EDIL3: variants seen among roughly 807,000 people sequenced by gnomAD.
EDIL3 encodes EGF-like repeat and discoidin I-like domain-containing protein 3.
In EDIL3, 37 loss-of-function variants were observed where a neutral mutation model predicts 67.4. The observed-to-expected ratio is 0.55, with a 90% CI of 0.42 to 0.72. EDIL3 has a LOEUF of 0.72. Among genes scored for constraint, EDIL3 ranks in the 30% least tolerant of loss-of-function variants. The pLI, the probability that EDIL3 is intolerant of heterozygous loss-of-function variation, is 0.00. For synonymous variants in EDIL3, 195 were observed against 196.3 expected (o/e 0.99, Z 0.05); for missense variants, 527 against 586.3 (o/e 0.90, Z 1.04).
intron 6 of EDIL3, among the ~76,000 whole-genome samples, chr5:84,067,560 C>T (rs1169167461): frequency 6.6e-6 from 1 of 152,070 alleles, no homozygotes; most frequent in African/African-American, 2.4e-5. Context: ...ATATGTCATA[C>T]CATAATATTA....
At chr5:84,262,659 G>GTTTTTATTTTTT (rs1745251015) in intron 1 of EDIL3, among the ~76,000 whole-genome samples, 1 of 46,310 alleles carries the variant, frequency 2.2e-5, no homozygotes, top group African/African-American at 8.7e-5. Context: ...AGGTTGGTTG[G>GTTTTTATTTTTT]TTTTTTTTTT....
intron 9 of EDIL3, among the ~76,000 whole-genome samples, chr5:84,000,334 C>T (rs980387177): frequency 6.6e-6 from 1 of 151,930 alleles, no homozygotes; most frequent in Non-Finnish European, 1.5e-5. Context: ...AAAAATAATA[C>T]CTATGACCAC....
At chr5:84,109,927 C>T (rs1747530046) in intron 5 of EDIL3, among the ~76,000 whole-genome samples, 1 of 152,070 alleles carries the variant, frequency 6.6e-6, no homozygotes, top group African/African-American at 2.4e-5. Flanking sequence ...GTGAAGAAGA[C>T]AAGATAATGA....
chr5:83,997,474 G>A lies in EDIL3; in HGVS notation c.1138-34114C>T, dbSNP rs80282089. ...AATTCAGGATACCTCCAGATTTCTG[G>A]TTTAGGCATGAAAGTAGTTGGTGTG... On this transcript the variant is annotated intron_variant, in intron 9 of 10. Coordinates refer to ENST00000296591, the MANE Select transcript of EDIL3 (RefSeq NM_005711.5). Among the ~76,000 whole-genome samples, 1,068 of 152,294 alleles carry A rather than the reference G, an allele frequency of 7.0e-3. 8 individuals carry two copies. The highest frequency in any genetic ancestry group is 0.025 in the African/African-American group (1,028 of 41,552).
intron 1 of EDIL3, among the ~76,000 whole-genome samples, chr5:84,374,503 G>C (rs1409232379): frequency 6.6e-6 from 1 of 152,064 alleles, no homozygotes; most frequent in African/African-American, 2.4e-5. Flanking sequence ...TTATTTTGGG[G>C]GAATAAATAT....
chr5:84,361,742 T>C (rs966165090), intron 1 of EDIL3, among the ~76,000 whole-genome samples: 1 of 151,914 alleles, frequency 6.6e-6, no homozygotes, highest in Non-Finnish European at 1.5e-5. Flanking sequence ...GTATACCGTA[T>C]AAACAAAGTA....
At chr5:84,364,714 T>C (rs1170726662) in intron 1 of EDIL3, among the ~76,000 whole-genome samples, 2 of 152,010 alleles carry the variant, frequency 1.3e-5, no homozygotes, top group Non-Finnish European at 2.9e-5. Flanking sequence ...ATATTATATA[T>C]ACATGATAAA....
At chr5:84,026,751 C>G (rs758545819) in intron 9 of EDIL3, among the ~76,000 whole-genome samples, 4 of 152,052 alleles carry the variant, frequency 2.6e-5, no homozygotes, top group Admixed American at 1.3e-4. Flanking sequence ...TATTTTGATA[C>G]ATCATCTACT....
intron 1 of EDIL3, among the ~76,000 whole-genome samples, chr5:84,259,073 T>C (rs1745175016): frequency 6.7e-6 from 1 of 149,248 alleles, no homozygotes; most frequent in Admixed American, 6.8e-5. Context: ...TATTCTCCTG[T>C]CTCAGCCTCC....
chr5:83,948,669 T>C (rs1398183944), intron 10 of EDIL3, among the ~76,000 whole-genome samples: 1 of 151,830 alleles, frequency 6.6e-6, no homozygotes, highest in Non-Finnish European at 1.5e-5. Flanking sequence ...GTTAGTGGTA[T>C]ACATCTATAT....
intron 1 of EDIL3, among the ~76,000 whole-genome samples, chr5:84,328,830 T>C (rs911954828): frequency 2.6e-5 from 4 of 152,192 alleles, no homozygotes; most frequent in East Asian, 1.9e-4. Flanking sequence ...GGAAAAGAAG[T>C]AGCAGAAGAT....
chr5:84,300,378 G>A (rs1580063750), intron 1 of EDIL3, among the ~76,000 whole-genome samples: 1 of 152,058 alleles, frequency 6.6e-6, no homozygotes, highest in South Asian at 2.1e-4. Flanking sequence ...TTATCTCAAG[G>A]CCCCTTAGCC....
intron 2 of EDIL3, among the ~76,000 whole-genome samples, chr5:84,243,910 T>A (rs1744847799): frequency 6.6e-6 from 1 of 152,306 alleles, no homozygotes; most frequent in African/African-American, 2.4e-5. Flanking sequence ...CATTTAAAAA[T>A]TGTTACCCAT....
At chr5:84,086,699 G>A (rs1747078664) in intron 6 of EDIL3, among the ~76,000 whole-genome samples, 1 of 152,138 alleles carries the variant, frequency 6.6e-6, no homozygotes, top group Non-Finnish European at 1.5e-5. Flanking sequence ...CGTGAACATG[G>A]TATTTTGCTG....
rs11422307 is a variant in EDIL3, at chr5:84,044,387, A to ATT, written c.1137+15911_1137+15912dup. ...ACAAAATGTATTTCAGCCCAGAACC[A>ATT]TTTTTTTTTTGGAATTACTGCTTAC... On this transcript the variant is annotated intron_variant, in intron 9 of 10. Coordinates refer to ENST00000296591, the MANE Select transcript of EDIL3 (RefSeq NM_005711.5). Among the ~76,000 whole-genome samples, 9 of 149,446 alleles carry ATT rather than the reference A, an allele frequency of 6.0e-5. No homozygotes were observed. The East Asian group carries it at 1.2e-3, about 20-fold the overall frequency.
chr5:84,312,360 G>A (rs1466667654), intron 1 of EDIL3, among the ~76,000 whole-genome samples: 38 of 139,556 alleles, frequency 2.7e-4, no homozygotes, highest in Non-Finnish European at 9.4e-5. Flanking sequence ...CCTCCCGGAC[G>A]GGGCGGCTGG....
rs1228665057 is a variant in EDIL3 at position 84,228,580 on chromosome 5, G to A, written c.226+1275C>T. Reference sequence around the variant, plus strand: ...GCTATAGACTATCTAACAATATTATGAAAATGAAACATCAATTGAGGGTTT... The same window carrying A: ...GCTATAGACTATCTAACAATATTATAAAAATGAAACATCAATTGAGGGTTT... On this transcript the variant is annotated intron_variant, in intron 3 of 10. Transcript: ENST00000296591. 2.0e-5 allele frequency among the ~76,000 whole-genome samples: 3 copies of A among 152,092 alleles called. No individual in the cohort carries two copies. In the East Asian group the frequency reaches 5.8e-4, roughly 29 times the overall value.
intron 9 of EDIL3, among the ~76,000 whole-genome samples, chr5:83,977,134 C>T (rs1007844067): frequency 9.9e-5 from 15 of 151,696 alleles, no homozygotes; most frequent in Admixed American, 2.0e-4. Context: ...GATGAGTATA[C>T]GAATGTTTAA....
chr5:84,071,107 A>G (rs1746733218), intron 6 of EDIL3, among the ~76,000 whole-genome samples: 1 of 152,150 alleles, frequency 6.6e-6, no homozygotes, highest in African/African-American at 2.4e-5. Flanking sequence ...CCTCCACATC[A>G]CAGGTTATGG....
Sources: allele counts gnomAD v4.1 joint callset (sites outside exome capture counted in the v4.1 genomes callset), GRCh38; gene constraint gnomAD v4.1.1; transcripts MANE v1.5; gene names NCBI Gene and HGNC (gene_info 2026-07-23, HGNC 2026-07-21).